Variants in MALRD1 observed in about 807,000 individuals in gnomAD.
The protein encoded by MALRD1 is MAM and LDL receptor class A domain containing 1, also known as MAM and LDL-receptor class A domain-containing protein 1.
MALRD1 carries 247 observed loss-of-function variants against 242.1 expected under a neutral mutation model. That is an observed-to-expected ratio of 1.02 (90% CI 0.92 to 1.13). The LOEUF (loss-of-function observed/expected upper bound fraction) is 1.13, where lower values mean the gene tolerates loss of function less well. Ranked by LOEUF, MALRD1 falls within the 50% of genes most tolerant of loss-of-function variation. The pLI is 0.00. For missense variants in MALRD1, 2,989 were observed against 2,533.1 expected (o/e 1.18, Z -3.86); for synonymous variants, 995 against 866.6 (o/e 1.15, Z -2.60).
At chr10:19,203,505 A>G (rs1296765726) in intron 14 of MALRD1, among the ~76,000 whole-genome samples, 6 of 152,188 alleles carry the variant, frequency 3.9e-5, no homozygotes, top group African/African-American at 1.2e-4. Context: ...AAAAAATTGT[A>G]TTTCTTAAAT....
At chr10:19,074,341 C>T (rs1238334676) in intron 2 of MALRD1, among the ~76,000 whole-genome samples, 2 of 152,068 alleles carry the variant, frequency 1.3e-5, no homozygotes, top group Non-Finnish European at 2.9e-5. Context: ...TTCCTTATGT[C>T]TCAAGCAGTA....
chr10:19,603,444 A>C (rs895689194), intron 34 of MALRD1, among the ~76,000 whole-genome samples: 3 of 152,178 alleles, frequency 2.0e-5, no homozygotes, highest in Admixed American at 1.3e-4. Flanking sequence ...CATTTATTAA[A>C]TAGGGACTCC....
At chr10:19,156,144 G>A (rs1325512476) in intron 12 of MALRD1, among the ~76,000 whole-genome samples, 6 of 152,068 alleles carry the variant, frequency 3.9e-5, no homozygotes, top group Non-Finnish European at 2.9e-5. Context: ...AGTTTACTCG[G>A]GCATTCCTGG....
intron 21 of MALRD1, among the ~76,000 whole-genome samples, chr10:19,296,786 TTGTTAATTA>T (rs1841723148): frequency 6.6e-6 from 1 of 151,664 alleles, no homozygotes. Context: ...ATTGAAGCAA[TTGTTAATTA>T]TGTTATACTT....
intron 31 of MALRD1, among the ~76,000 whole-genome samples, chr10:19,522,425 T>C (rs1833922397): frequency 6.6e-6 from 1 of 152,120 alleles, no homozygotes; most frequent in Non-Finnish European, 1.5e-5. Context: ...TACTGTTTGT[T>C]ATAGCTGTAG....
chr10:19,136,854 G>A (rs1221010237), intron 10 of MALRD1, 73 bp downstream of exon 10: 3 of 1,059,708 alleles, frequency 2.8e-6, no homozygotes, highest in Non-Finnish European at 3.6e-6. Context: ...AACAGTCTTT[G>A]TTTCTATCAA....
At chr10:19,329,018 A>G (rs932912846) in intron 23 of MALRD1, among the ~76,000 whole-genome samples, 20 of 152,214 alleles carry the variant, frequency 1.3e-4, no homozygotes, top group Non-Finnish European at 2.6e-4. Flanking sequence ...TCGTGTTTGA[A>G]GTAATATTAA....
intron 2 of MALRD1, among the ~76,000 whole-genome samples, chr10:19,079,105 A>G (rs976725315): frequency 3.3e-5 from 5 of 151,134 alleles, no homozygotes; most frequent in African/African-American, 1.2e-4. Flanking sequence ...CCTTGTTTAA[A>G]TTTAGGCATT....
chr10:19,208,447 AG>A (rs1836885347), intron 17 of MALRD1, among the ~76,000 whole-genome samples: 2 of 152,106 alleles, frequency 1.3e-5, no homozygotes, highest in African/African-American at 4.8e-5. Flanking sequence ...GTTTTTATTT[AG>A]GTATAGATTC....
chr10:19,358,370 T>C (rs983852760), intron 26 of MALRD1, among the ~76,000 whole-genome samples: 1 of 152,158 alleles, frequency 6.6e-6, no homozygotes, highest in African/African-American at 2.4e-5. Flanking sequence ...AGGTCACTCA[T>C]TTCTCTGCAA....
intron 11 of MALRD1, among the ~76,000 whole-genome samples, chr10:19,154,531 A>G (rs973928849): frequency 1.3e-5 from 2 of 152,186 alleles, no homozygotes; most frequent in Non-Finnish European, 2.9e-5. Context: ...TATCCCCTGC[A>G]CATTTGCCAT....
intron 19 of MALRD1, among the ~76,000 whole-genome samples, chr10:19,263,274 TC>T (rs1426739774): frequency 1.3e-5 from 2 of 152,204 alleles, no homozygotes; most frequent in African/African-American, 4.8e-5. Context: ...GTATAAGTGT[TC>T]CCCTTTCTCC....
At chr10:19,211,570 C>T (rs1448920668) in intron 18 of MALRD1, among the ~76,000 whole-genome samples, 1 of 151,166 alleles carries the variant, frequency 6.6e-6, no homozygotes, top group African/African-American at 2.4e-5. Context: ...ACCTGTAATC[C>T]CAGCTACTTG....
intron 14 of MALRD1, among the ~76,000 whole-genome samples, chr10:19,183,350 C>G (rs1434586409): frequency 6.6e-6 from 1 of 151,670 alleles, no homozygotes; most frequent in African/African-American, 2.4e-5. Flanking sequence ...AAAATTTAGG[C>G]TGCGATTCTA....
At chr10:19,174,020 A>G (rs1044570019) in intron 13 of MALRD1, among the ~76,000 whole-genome samples, 2 of 152,224 alleles carry the variant, frequency 1.3e-5, no homozygotes, top group Non-Finnish European at 2.9e-5. Context: ...GGGGCCTTCA[A>G]AAACAAAGGC....
intron 31 of MALRD1, among the ~76,000 whole-genome samples, chr10:19,501,187 C>T (rs547626730): frequency 6.6e-6 from 1 of 152,102 alleles, no homozygotes; most frequent in Non-Finnish European, 1.5e-5. Flanking sequence ...TGTTCCAGAG[C>T]TAGATCAGCC....
intron 29 of MALRD1, among the ~76,000 whole-genome samples, chr10:19,486,685 T>C (rs183909177): frequency 6.2e-4 from 94 of 152,268 alleles, no homozygotes; most frequent in Non-Finnish European, 1.2e-3. Flanking sequence ...TCAGAGCATA[T>C]TGAATGTCAT....
chr10:19,642,679 C>T (rs781008382), intron 36 of MALRD1, among the ~76,000 whole-genome samples: 4 of 152,136 alleles, frequency 2.6e-5, no homozygotes, highest in Non-Finnish European at 4.4e-5. Context: ...GCATAGAAAT[C>T]CTCAAGTTCA....
At chr10:19,127,105 G>A (rs1423166519) in intron 7 of MALRD1, among the ~76,000 whole-genome samples, 1 of 152,158 alleles carries the variant, frequency 6.6e-6, no homozygotes, top group Non-Finnish European at 1.5e-5. Context: ...TTTTATGGAT[G>A]CATAGTATTC....
Sources: allele counts gnomAD v4.1 joint callset (sites outside exome capture counted in the v4.1 genomes callset), GRCh38; gene constraint gnomAD v4.1.1; transcripts MANE v1.5; gene names NCBI Gene and HGNC (gene_info 2026-07-23, HGNC 2026-07-21).